Variants in BNC1 observed in about 807,000 individuals in gnomAD.
The protein encoded by BNC1 is zinc finger protein basonuclin-1.
Under a neutral mutation model 66.5 loss-of-function variants are expected in BNC1, and 8 were observed. That is an observed-to-expected ratio of 0.12 (90% CI 0.07 to 0.22). The LOEUF (loss-of-function observed/expected upper bound fraction) is 0.22, where lower values mean the gene tolerates loss of function less well. Ranked by LOEUF, BNC1 falls within the 10% of genes least tolerant of loss-of-function variation. The pLI is 1.00. For synonymous variants in BNC1, 454 were observed against 452.6 expected (o/e 1.00, Z -0.04); for missense variants, 1,069 against 1,241.3 (o/e 0.86, Z 2.09).
chr15:83,272,234 A>G (rs1203271601), intron 1 of BNC1, among the ~76,000 whole-genome samples: 1 of 152,002 alleles, frequency 6.6e-6, no homozygotes, highest in Non-Finnish European at 1.5e-5. Context: ...TTTTTTTAAA[A>G]TTTTTATTTA....
At chr15:83,278,683 G>GT (rs554952273) in intron 1 of BNC1, among the ~76,000 whole-genome samples, 4 of 152,166 alleles carry the variant, frequency 2.6e-5, no homozygotes, top group Non-Finnish European at 4.4e-5. Flanking sequence ...AAGAACTGGA[G>GT]TATCACCATT....
chr15:83,269,212 A>T (rs895255382), intron 1 of BNC1, among the ~76,000 whole-genome samples: 1 of 152,254 alleles, frequency 6.6e-6, no homozygotes, highest in Admixed American at 6.5e-5. Flanking sequence ...CGACAGAGCG[A>T]GACTCCCTCT....
rs1384438454 is a variant in BNC1 at position 83,284,645 on chromosome 15, G to C, written c.-17C>G. ...CCGCCGCATCCACGCTCCGGCCGTC[G>C]GGGCGCGACCCGGCGAAGTGGGCGG... On this transcript the variant is annotated 5_prime_UTR_variant, in exon 1 of 5. Transcript: ENST00000345382. 3.0e-6 allele frequency: 3 copies of C among 985,344 alleles called. No homozygotes were observed. Among genetic ancestry groups the C allele is most frequent in the African/African-American group, 3.5e-5 (2 of 56,696 alleles). 61.0% of individuals were successfully genotyped at this position (985,344 alleles called of 1,614,324 possible). A position where few individuals can be genotyped will look rare whatever the true frequency, so the allele number is the denominator to read the frequency against.
intron 4 of BNC1, among the ~76,000 whole-genome samples, chr15:83,262,515 C>T (rs1457929965): frequency 4.0e-5 from 6 of 151,666 alleles, no homozygotes; most frequent in African/African-American, 1.5e-4. Flanking sequence ...TAAATCCACA[C>T]AAAAGGAGAT....
In BNC1 at chr15:83,284,622, G is replaced by T. The variant is rs1352503599; in HGVS notation, c.7C>A (p.Arg3=). 2.0e-6 allele frequency: 2 copies of T among 997,614 alleles called. No individual in the cohort carries two copies. Among genetic ancestry groups the T allele is most frequent in the East Asian group, 2.1e-4 (2 of 9,310 alleles). 61.8% of individuals were successfully genotyped at this position (997,614 alleles called of 1,614,324 possible). ...CGTCCGCCCCGGCTCGGCGGGCGCC[G>T]CCGCATCCACGCTCCGGCCGTCGGG... MR[R]RPPSRGGRGA... The change falls in exon 1 of 5, where the codon CGG becomes AGG. Residue 3 remains arginine, a synonymous_variant. Transcript: ENST00000345382.
chr15:83,284,466 G>T (rs930132017), intron 1 of BNC1, 64 bp downstream of exon 1: 2 of 1,047,512 alleles, frequency 1.9e-6, no homozygotes, highest in African/African-American at 3.5e-5. Context: ...GAGCCCAGCG[G>T]CGTCCCGGGC....
At position 83,267,080 on chromosome 15, in the gene BNC1, T is replaced by C. The variant is rs1397877784; in HGVS notation, c.200-9A>G. 6.3e-7 allele frequency: 1 copy of C among 1,598,788 alleles called. No individual in the cohort carries two copies. Among genetic ancestry groups the C allele is most frequent in the East Asian group, 2.2e-5 (1 of 44,714 alleles). ...CCTTAGCTTACTTAGAGCTGAAAAA[T>C]CAAATTGAGGAAATGTCATTTTGAA... On this transcript the variant is annotated splice_polypyrimidine_tract_variant and intron_variant, in intron 2 of 4. Coordinates refer to ENST00000345382, the MANE Select transcript of BNC1 (RefSeq NM_001717.4).
intron 4 of BNC1, among the ~76,000 whole-genome samples, chr15:83,261,262 C>T (rs1449846761): frequency 2.0e-5 from 3 of 152,182 alleles, no homozygotes; most frequent in South Asian, 2.1e-4. Context: ...AACATCCTAT[C>T]AGTAGAAACA....
In BNC1 at chr15:83,257,824, C is replaced by A. The variant is rs1356598624; in HGVS notation, c.2603G>T (p.Ser868Ile). 6.2e-7 allele frequency: 1 copy of A among 1,614,056 alleles called. No individual in the cohort carries two copies. Among genetic ancestry groups the A allele is most frequent in the Non-Finnish European group, 8.5e-7 (1 of 1,180,046 alleles). The change falls in exon 5 of 5, where the codon AGT becomes ATT. Residue 868 changes from serine (S) to isoleucine (I), a missense_variant. This residue lies in a region of BNC1 where 657 missense variants were observed against 715.8 expected (regional missense o/e 0.92). Coordinates refer to ENST00000345382, the MANE Select transcript of BNC1 (RefSeq NM_001717.4). The part of the protein sequence containing the change: ...LSTTSSMKSE[S>I]SSHSSWDSDG... ...AGAGTCCCAGGAAGAATGGCTGCTA[C>A]TCTCTGACTTCATGCTCGAGGTAGT... is the stretch of plus-strand genomic sequence containing the variant.
Position 83,258,120 on chromosome 15 carries a change from G to A in BNC1, c.2307C>T (p.Ser769=), listed in dbSNP as rs556741076. ...CTTTTTGGTGGAGGTTTAGGTTTGAGCTGTGTCTACAAGAGTGAAAAGATG... is the reference window on the plus strand; with the variant it reads ...CTTTTTGGTGGAGGTTTAGGTTTGAACTGTGTCTACAAGAGTGAAAAGATG... ...FPSRRSRDRH[S]SNLNLHQKAL... Residue 769 remains serine, a synonymous_variant, in exon 5 of 5, where the codon AGC becomes AGT. Transcript: ENST00000345382. The A allele has an allele frequency of 6.3e-7, 1 of 1,599,024 alleles. No homozygotes were observed. Among genetic ancestry groups the A allele is most frequent in the African/African-American group, 1.3e-5 (1 of 74,824 alleles).
At chr15:83,277,011 A>G (rs773424218) in intron 1 of BNC1, among the ~76,000 whole-genome samples, 23 of 152,318 alleles carry the variant, frequency 1.5e-4, no homozygotes, top group Non-Finnish European at 3.2e-4. Context: ...TCAACTTTAA[A>G]TTTAAAAACC....
intron 1 of BNC1, 60 bp downstream of exon 1, chr15:83,284,470 C>A: frequency 1.8e-6 from 2 of 1,085,544 alleles, no homozygotes; most frequent in South Asian, 2.8e-5. Flanking sequence ...CCAGCGGCGT[C>A]CCGGGCCGCC....
chr15:83,257,820 G>A lies in BNC1; in HGVS notation c.2607C>T (p.Ser869=). 2 of 1,614,148 alleles carry A rather than the reference G, an allele frequency of 1.2e-6. No homozygotes were observed. ...CGTCAGAGTCCCAGGAAGAATGGCT[G>A]CTACTCTCTGACTTCATGCTCGAGG... is the stretch of plus-strand genomic sequence containing the variant. ...STTSSMKSES[S]SHSSWDSDGV... is the part of the protein sequence containing the mutation. Residue 869 remains serine (S), a synonymous_variant, in exon 5 of 5, where the codon AGC becomes AGT. Coordinates refer to ENST00000345382, the MANE Select transcript of BNC1 (RefSeq NM_001717.4).
At position 83,264,365 on chromosome 15, in the gene BNC1, G is replaced by C. The variant is rs1376986788; in HGVS notation, c.886C>G (p.Pro296Ala). ...DSSFLTSSST[P>A]FQVEKDQCLN... ...CACTGATCTTTTTCAACCTGAAATG[G>C]TGTGGAACTGGAAGTTAAGAAGCTG... The change falls in exon 4 of 5, where the codon CCA becomes GCA. Residue 296 changes from proline to alanine, a missense_variant. By Grantham distance (27) the Pro-to-Ala change is conservative (BLOSUM62 -1). Coordinates refer to ENST00000345382, the MANE Select transcript of BNC1 (RefSeq NM_001717.4). 2 of 1,614,062 alleles carry C rather than the reference G, an allele frequency of 1.2e-6. No individual in the cohort carries two copies. Among genetic ancestry groups the C allele is most frequent in the African/African-American group, 2.7e-5 (2 of 74,920 alleles).
Position 83,281,999 on chromosome 15 carries a change from C to T in BNC1, c.99+2531G>A, listed in dbSNP as rs539328372. On this transcript the variant is annotated intron_variant, in intron 1 of 4. Coordinates refer to ENST00000345382, the MANE Select transcript of BNC1 (RefSeq NM_001717.4). ...TCCAAGGCAATTACTTCATGTTAGT[C>T]AATATTTCTAATGAGAATTATAACC... is the stretch of plus-strand genomic sequence containing the variant. Among the ~76,000 whole-genome samples the T allele has an allele frequency of 2.4e-4, 36 of 152,332 alleles. No homozygotes were observed. The South Asian group carries it at 7.1e-3, about 30-fold the overall frequency.
chr15:83,267,883 T>C (rs2038233309), intron 2 of BNC1, among the ~76,000 whole-genome samples: 1 of 152,236 alleles, frequency 6.6e-6, no homozygotes, highest in Non-Finnish European at 1.5e-5. Context: ...AGAATACTTC[T>C]ATCATTACAG....
intron 1 of BNC1, among the ~76,000 whole-genome samples, chr15:83,280,422 A>G (rs1028888169): frequency 6.6e-6 from 1 of 152,236 alleles, no homozygotes; most frequent in South Asian, 2.1e-4. Flanking sequence ...TACCTAAGTT[A>G]CATAAGCAAT....
At position 83,257,070 on chromosome 15, in the gene BNC1, T is replaced by C; in HGVS notation, c.*372A>G. Reference sequence around the variant, plus strand: ...GTCTTCTTCCCCAGGACCCTTCTTATCCAAGACCTTTAACACTGCAAGCCT... The same window carrying C: ...GTCTTCTTCCCCAGGACCCTTCTTACCCAAGACCTTTAACACTGCAAGCCT... On this transcript the variant is annotated 3_prime_UTR_variant, in exon 5 of 5. Transcript: ENST00000345382. 1 of 208,030 alleles carries C rather than the reference T, an allele frequency of 4.8e-6. No individual in the cohort carries two copies. The highest frequency in any genetic ancestry group is 9.6e-6 in the Non-Finnish European group (1 of 104,324). The allele number at this position is 208,030 out of a possible 1,614,324, so 12.9% of individuals were successfully genotyped here.
At chr15:83,270,310 A>G (rs2038257489) in intron 1 of BNC1, among the ~76,000 whole-genome samples, 1 of 152,252 alleles carries the variant, frequency 6.6e-6, no homozygotes. Flanking sequence ...AGGAACATGT[A>G]CAATAATATG....
Sources: gnomAD v4.1 joint callset for allele counts (sites outside exome capture counted in the v4.1 genomes callset) on GRCh38, gnomAD v4.1.1 for gene constraint, gnomAD v4.1.1 regional missense constraint, MANE v1.5 for transcripts, NCBI Gene and HGNC (gene_info 2026-07-23, HGNC 2026-07-21) for gene names.